LAMB2: variants seen among roughly 807,000 people sequenced by gnomAD.
The protein encoded by LAMB2 is laminin subunit beta 2.
A neutral mutation model predicts 202.7 loss-of-function variants in LAMB2; 119 were observed. The ratio of observed to expected loss-of-function variants is 0.59; its 90% CI spans 0.51 to 0.68. The LOEUF (loss-of-function observed/expected upper bound fraction) is 0.68, where lower values mean the gene tolerates loss of function less well. LAMB2 is among the 30% of genes least tolerant of loss of function. The probability of loss-of-function intolerance (pLI) is 0.00; values close to 1 mark genes in which losing one functional copy is unlikely to be tolerated. For synonymous variants in LAMB2, 818 were observed against 902.2 expected (o/e 0.91, Z 1.67); for missense variants, 2,124 against 2,410.6 (o/e 0.88, Z 2.49).
chr3:49,125,136 C>A lies in LAMB2; in HGVS notation c.2754G>T (p.Leu918=), dbSNP rs766013008. The A allele has an allele frequency of 2.4e-5, 38 of 1,613,550 alleles. 1 individual carries two copies. The South Asian group carries it at 3.5e-4, about 15-fold the overall frequency. The part of the protein sequence containing the change: ...CIAGFHGDPR[L]PYGGQCRPCP... ...AGGGCCGGCACTGGCCCCCATATGGCAGCCGTGGGTCCCCGTGGAAACCAG... is the reference window on the plus strand; with the variant it reads ...AGGGCCGGCACTGGCCCCCATATGGAAGCCGTGGGTCCCCGTGGAAACCAG... The change falls in exon 20 of 32, where the codon CTG becomes CTT. Residue 918 remains leucine, a synonymous_variant. Coordinates refer to ENST00000305544, the MANE Select transcript of LAMB2 (RefSeq NM_002292.4).
chr3:49,124,293 T>C lies in LAMB2; in HGVS notation c.3328-7A>G. 6.2e-7 allele frequency: 1 copy of C among 1,613,636 alleles called. No individual in the cohort carries two copies. The highest frequency in any genetic ancestry group is 8.5e-7 in the Non-Finnish European group (1 of 1,179,958). On this transcript the variant is annotated splice_region_variant and splice_polypyrimidine_tract_variant and intron_variant, in intron 22 of 31. Coordinates refer to ENST00000305544, the MANE Select transcript of LAMB2 (RefSeq NM_002292.4). ...AGTGGCACTGCCCTGTGAACTGGGG[T>C]GGGAACAAGGCAGGGTCAGAGCCTC...
In LAMB2 at chr3:49,129,350, C is replaced by T; in HGVS notation, c.1519-26G>A. 1 of 1,600,920 alleles carries T rather than the reference C, an allele frequency of 6.2e-7. No homozygotes were observed. Among genetic ancestry groups the T allele is most frequent in the Non-Finnish European group, 8.5e-7 (1 of 1,171,136 alleles). On this transcript the variant is annotated intron_variant, in intron 11 of 31. Transcript: ENST00000305544. This position sits in a 1 kb window ranked among gnomAD's most constrained non-coding sequence, Gnocchi z 6.1. Reference sequence around the variant, plus strand: ...CTGCACGAAAGGAGTTGCTGGGGGCCAGAAACAGACCTCCAGACCCCATCA... The same window carrying T: ...CTGCACGAAAGGAGTTGCTGGGGGCTAGAAACAGACCTCCAGACCCCATCA...
At chr3:49,127,975 G>C (rs957916947) in intron 15 of LAMB2, among the ~76,000 whole-genome samples, 2 of 127,378 alleles carry the variant, frequency 1.6e-5, no homozygotes, top group Admixed American at 1.0e-4. Flanking sequence ...AGCCGAGATC[G>C]CACCACTGCA....
Position 49,128,887 on chromosome 3 carries a change from C to T in LAMB2, c.1732-68G>A, listed in dbSNP as rs1370002523. 4 of 1,601,528 alleles carry T rather than the reference C, an allele frequency of 2.5e-6. No individual in the cohort carries two copies. In the East Asian group the frequency reaches 8.9e-5, roughly 36 times the overall value. The stretch of plus-strand genomic sequence containing the variant: ...TTGCCTCTTCTGCCACAGCCAGCCC[C>T]AAACCCCATTTCTCCTGCCAAAGCT... On this transcript the variant is annotated intron_variant, in intron 13 of 31. Coordinates refer to ENST00000305544, the MANE Select transcript of LAMB2 (RefSeq NM_002292.4).
rs754121605 is a variant in LAMB2 at position 49,131,754 on chromosome 3, C to T, written c.460-31G>A. 6.2e-7 allele frequency: 1 copy of T among 1,610,208 alleles called. No homozygotes were observed. The highest frequency in any genetic ancestry group is 8.5e-7 in the Non-Finnish European group (1 of 1,179,208). On this transcript the variant is annotated intron_variant, in intron 4 of 31. Coordinates refer to ENST00000305544, the MANE Select transcript of LAMB2 (RefSeq NM_002292.4). This position sits in a 1 kb window ranked among gnomAD's most constrained non-coding sequence, Gnocchi z 5.0. Reference sequence around the variant, plus strand: ...TAGGGGGGCATAGCTGATCAGCAGGCACCAGGACCCAAGCCCAACCCAGAG... The same window carrying T: ...TAGGGGGGCATAGCTGATCAGCAGGTACCAGGACCCAAGCCCAACCCAGAG...
At position 49,121,364 on chromosome 3, in the gene LAMB2, T is replaced by C. The variant is rs111935297; in HGVS notation, c.5261-2A>G. ...TTTCCTCATAGGTGCCTTCCAATTCTAGGAAGGGCAGGTGTCAGTTTAGGG... is the reference window on the plus strand; with the variant it reads ...TTTCCTCATAGGTGCCTTCCAATTCCAGGAAGGGCAGGTGTCAGTTTAGGG... On this transcript the variant is annotated splice_acceptor_variant, in intron 31 of 31. Transcript: ENST00000305544. LOFTEE classifies it high-confidence loss of function. The C allele has an allele frequency of 1.2e-6, 2 of 1,614,072 alleles. No individual in the cohort carries two copies. The highest frequency in any genetic ancestry group is 1.7e-6 in the Non-Finnish European group (2 of 1,180,012).
intron 18 of LAMB2, 74 bp downstream of exon 18, chr3:49,125,673 G>A: frequency 2.5e-6 from 4 of 1,577,376 alleles, no homozygotes; most frequent in Middle Eastern, 1.7e-4. Context: ...CCAGCAGCAG[G>A]TCCAGAAGGA....
At chr3:49,126,548 A>G in intron 15 of LAMB2, 51 bp from the exon 16 acceptor site, 1 of 1,609,846 alleles carries the variant, frequency 6.2e-7, no homozygotes, top group Non-Finnish European at 8.5e-7. Flanking sequence ...GCCCTGTACA[A>G]ATCATCTGGG....
rs1560067352 is a variant in LAMB2, at chr3:49,122,149, G to A, written c.4781+14C>T. On this transcript the variant is annotated intron_variant, in intron 28 of 31. Coordinates refer to ENST00000305544, the MANE Select transcript of LAMB2 (RefSeq NM_002292.4). ...ACCAGGTGTCAGGGATAGGGGCCAG[G>A]GATGGGGTCAGACCTTGCCCGCCGT... is the stretch of plus-strand genomic sequence containing the variant. 1 of 1,613,540 alleles carries A rather than the reference G, an allele frequency of 6.2e-7. No homozygotes were observed.
At position 49,133,027 on chromosome 3, in the gene LAMB2, G is replaced by A; in HGVS notation, c.-160C>T. ...GGTCTGTCCAGCGGTCCCTCCGACAGCTTAGAGTCCAGCGACTTTGAGCAA... is the reference window on the plus strand; with the variant it reads ...GGTCTGTCCAGCGGTCCCTCCGACAACTTAGAGTCCAGCGACTTTGAGCAA... On this transcript the variant is annotated 5_prime_UTR_variant, in exon 1 of 32. Transcript: ENST00000305544. The A allele has an allele frequency of 1.5e-6, 1 of 652,598 alleles. No homozygotes were observed. Among genetic ancestry groups the A allele is most frequent in the East Asian group, 2.7e-5 (1 of 36,456 alleles). The allele number at this position is 652,598 out of a possible 1,614,324, so 40.4% of individuals were successfully genotyped here. A position where few individuals can be genotyped will look rare whatever the true frequency, so the allele number is the denominator to read the frequency against.
At position 49,128,523 on chromosome 3, in the gene LAMB2, G is replaced by C; in HGVS notation, c.1953C>G (p.His651Gln). The change falls in exon 15 of 32, where the codon CAC becomes CAG. Residue 651 changes from histidine (H) to glutamine (Q), a missense_variant. By Grantham distance (24) the His-to-Gln change is conservative. Transcript: ENST00000305544. The stretch of plus-strand genomic sequence containing the variant: ...TGGGCACCAAATGCCCACACAGGCT[G>C]TGGGCAGGCACAGGCCCTGGACGCT... ...IVQRPGPVPAHSLCGHLVPKD... is the reference protein window; with the variant it reads ...IVQRPGPVPAQSLCGHLVPKD... 1.2e-6 allele frequency: 2 copies of C among 1,614,230 alleles called. No homozygotes were observed. The highest frequency in any genetic ancestry group is 1.7e-6 in the Non-Finnish European group (2 of 1,180,040).
At position 49,123,564 on chromosome 3, in the gene LAMB2, C is replaced by T; in HGVS notation, c.3865G>A (p.Glu1289Lys). The change falls in exon 25 of 32, where the codon GAG (glutamate) becomes AAG (lysine). Residue 1289 changes from glutamate to lysine, a missense_variant. Transcript: ENST00000305544. ...LEADLTDVQD[E>K]NFNANHALSG... ...AGTGCATGGTTGGCATTGAAGTTCTCATCTTGCACATCTGTCAGGTCTGCC... is the reference window on the plus strand; with the variant it reads ...AGTGCATGGTTGGCATTGAAGTTCTTATCTTGCACATCTGTCAGGTCTGCC... 6.2e-7 allele frequency: 1 copy of T among 1,614,208 alleles called. No individual in the cohort carries two copies. Among genetic ancestry groups the T allele is most frequent in the South Asian group, 1.1e-5 (1 of 91,086 alleles).
Position 49,126,464 on chromosome 3 carries a change from C to T in LAMB2, c.2052G>A (p.Glu684=), listed in dbSNP as rs1460030758. 1.2e-6 allele frequency: 2 copies of T among 1,614,164 alleles called. No individual in the cohort carries two copies. Among genetic ancestry groups the T allele is most frequent in the South Asian group, 1.1e-5 (1 of 91,080 alleles). Residue 684 remains glutamate, a synonymous_variant, in exon 16 of 32, where the codon GAG becomes GAA. Transcript: ENST00000305544. ...YLIFPNPVCL[E]PGISYKLHLK... The stretch of plus-strand genomic sequence containing the variant: ...GATGCAGCTTGTAGGAGATACCAGG[C>T]TCAAGGCAGACAGGATTAGGAAATA...
Position 49,132,675 on chromosome 3 carries a change from A to G in LAMB2, c.77-12T>C. The G allele has an allele frequency of 1.9e-6, 3 of 1,614,214 alleles. No individual in the cohort carries two copies. Among genetic ancestry groups the G allele is most frequent in the South Asian group, 1.1e-5 (1 of 91,084 alleles). On this transcript the variant is annotated splice_polypyrimidine_tract_variant and intron_variant, in intron 1 of 31. Coordinates refer to ENST00000305544, the MANE Select transcript of LAMB2 (RefSeq NM_002292.4). The surrounding 1 kb of genome is among the most constrained non-coding windows in gnomAD (Gnocchi z 4.6). ...TGTGGCAGCCAGCACTGGGGACAGT[A>G]GCTCAGTCAGTTCCGCTGAGTTCCT...
chr3:49,131,510 C>A lies in LAMB2; in HGVS notation c.648+25G>T. The A allele has an allele frequency of 1.2e-6, 2 of 1,614,022 alleles. No individual in the cohort carries two copies. Among genetic ancestry groups the A allele is most frequent in the Non-Finnish European group, 1.7e-6 (2 of 1,179,972 alleles). ...AGGCCCATCATCCCCAGCTTCCAGC[C>A]CCCAGCCCAGATGCCAGCCCTCACC... is the stretch of plus-strand genomic sequence containing the variant. On this transcript the variant is annotated intron_variant, in intron 5 of 31. Transcript: ENST00000305544. This position sits in a 1 kb window ranked among gnomAD's most constrained non-coding sequence, Gnocchi z 5.0.
rs987529685 is a variant in LAMB2, at chr3:49,131,632, GC to G, written c.550del (p.Ala184LeufsTer8). ...TGCTAGTGGGACTCCTGGGAAGTCA[GC>G]CCCACAGTCATAGGAGAAATATCGG... ...VYRYFSYDCG[A>X]DFPGVPLAPP... On this transcript the variant is annotated frameshift_variant, in exon 5 of 32. Transcript: ENST00000305544. LOFTEE classifies it high-confidence loss of function. This position sits in a 1 kb window ranked among gnomAD's most constrained non-coding sequence, Gnocchi z 5.0. 2 of 1,613,832 alleles carry G rather than the reference GC, an allele frequency of 1.2e-6. No homozygotes were observed. The highest frequency in any genetic ancestry group is 1.7e-6 in the Non-Finnish European group (2 of 1,180,030).
Position 49,123,993 on chromosome 3 carries a change from G to C in LAMB2, c.3532C>G (p.Arg1178Gly). 1 of 1,613,410 alleles carries C rather than the reference G, an allele frequency of 6.2e-7. No individual in the cohort carries two copies. Among genetic ancestry groups the C allele is most frequent in the Non-Finnish European group, 8.5e-7 (1 of 1,180,020 alleles). Residue 1178 changes from arginine to glycine, a missense_variant, in exon 24 of 32, where the codon CGT becomes GGT. Physicochemically the swap from Arg to Gly is moderately radical, Grantham distance 125. This residue lies in a region of LAMB2 where 1,702 missense variants were observed against 1,896.3 expected (regional missense o/e 0.90). Transcript: ENST00000305544. ...GCAGGAAAGATTCCTGAGAAGCCACGGGCACACTGGTCACAGCGCACACCA... is the reference window on the plus strand; with the variant it reads ...GCAGGAAAGATTCCTGAGAAGCCACCGGCACACTGGTCACAGCGCACACCA... ...VSGVRCDQCA[R>G]GFSGIFPACH...
Position 49,121,758 on chromosome 3 carries a change from C to T in LAMB2, c.5026G>A (p.Gly1676Arg), listed in dbSNP as rs200747448. 7.1e-4 allele frequency: 1,146 copies of T among 1,613,744 alleles called. 14 individuals carry two copies. In the South Asian group the frequency reaches 0.012, roughly 17 times the overall value. ...LLEALKLKRA[G>R]NSLAASTAEE... ...GCTGTAGAGGCTGCCAGACTATTTC[C>T]TGCCCGTTTCAATTTCAGAGCCTCC... is the stretch of plus-strand genomic sequence containing the variant. The change falls in exon 30 of 32, where the codon GGA (glycine) becomes AGA (arginine). Residue 1676 changes from glycine to arginine, a missense_variant. Physicochemically the swap from Gly to Arg is moderately radical, Grantham distance 125. Around this residue, in one of 3 missense-constraint regions of LAMB2, gnomAD observed 1,702 missense variants for 1,896.3 expected, o/e 0.90. Coordinates refer to ENST00000305544, the MANE Select transcript of LAMB2 (RefSeq NM_002292.4).
At position 49,129,451 on chromosome 3, in the gene LAMB2, G is replaced by A; in HGVS notation, c.1519-127C>T. 1 of 1,099,144 alleles carries A rather than the reference G, an allele frequency of 9.1e-7. No homozygotes were observed. Among genetic ancestry groups the A allele is most frequent in the Non-Finnish European group, 1.4e-6 (1 of 734,704 alleles). 68.1% of individuals were successfully genotyped at this position (1,099,144 alleles called of 1,614,324 possible). A position where few individuals can be genotyped will look rare whatever the true frequency, so the allele number is the denominator to read the frequency against. On this transcript the variant is annotated intron_variant, in intron 11 of 31. Transcript: ENST00000305544. The surrounding 1 kb of genome is among the most constrained non-coding windows in gnomAD (Gnocchi z 6.1). Reference sequence around the variant, plus strand: ...GTGAAAACATGCCCCCCAGACCACTGGCCCACATCCTTGGCCTCCCAGACC... The same window carrying A: ...GTGAAAACATGCCCCCCAGACCACTAGCCCACATCCTTGGCCTCCCAGACC...
Sources: gnomAD v4.1 joint callset for allele counts (sites outside exome capture counted in the v4.1 genomes callset) on GRCh38, gnomAD v4.1.1 for gene constraint, gnomAD v4.1.1 regional missense constraint, Gnocchi (gnomAD v3.1) non-coding constraint, MANE v1.5 for transcripts, NCBI Gene and HGNC (gene_info 2026-07-23, HGNC 2026-07-21) for gene names.